BNC2: variants seen among roughly 807,000 people sequenced by gnomAD.
BNC2 encodes basonuclin zinc finger protein 2.
BNC2 carries 20 observed loss-of-function variants against 76.3 expected under a neutral mutation model. The observed-to-expected ratio is 0.26, with a 90% CI of 0.18 to 0.38. BNC2 has a LOEUF of 0.38. BNC2 is among the 10% of genes least tolerant of loss of function. The pLI is 1.00. For synonymous variants in BNC2, 582 were observed against 514.8 expected (o/e 1.13, Z -1.77); for missense variants, 1,382 against 1,399.8 (o/e 0.99, Z 0.20).
In BNC2 at chr9:16,552,632, C is replaced by T. The variant is rs2132538677; in HGVS notation, c.567G>A (p.Leu189=). ...TCAGGACGCTGAAGAGACGGTCCAG[C>T]AGGATCTTTAGCCGCACAGGCACTG... is the stretch of plus-strand genomic sequence containing the variant. The part of the protein sequence containing the change: ...TQAVPVRLKI[L]LDRLFSVLKQ... The change falls in exon 5 of 7, where the codon CTG becomes CTA. Residue 189 remains leucine, a synonymous_variant. Coordinates refer to ENST00000380672, the MANE Select transcript of BNC2 (RefSeq NM_017637.6). 1 of 1,614,234 alleles carries T rather than the reference C, an allele frequency of 6.2e-7. No individual in the cohort carries two copies. The highest frequency in any genetic ancestry group is 8.5e-7 in the Non-Finnish European group (1 of 1,180,044).
At position 16,435,848 on chromosome 9, in the gene BNC2, A is replaced by G; in HGVS notation, c.2346T>C (p.Thr782=). The change falls in exon 6 of 7, where the codon ACT becomes ACC. Residue 782 remains threonine, a synonymous_variant. Coordinates refer to ENST00000380672, the MANE Select transcript of BNC2 (RefSeq NM_017637.6). ...IKVKEEFTDP[T]YDMFYMSQYG... is the part of the protein sequence containing the mutation. ...ACTGGCTCATGTAAAACATGTCGTA[A>G]GTGGGGTCTGTAAATTCTTCCTTCA... 6.2e-7 allele frequency: 1 copy of G among 1,613,848 alleles called. No homozygotes were observed. Among genetic ancestry groups the G allele is most frequent in the South Asian group, 1.1e-5 (1 of 91,072 alleles).
intron 6 of BNC2, among the ~76,000 whole-genome samples, chr9:16,419,890 C>G (rs1023348732): frequency 3.9e-5 from 6 of 152,116 alleles, no homozygotes; most frequent in Admixed American, 1.3e-4. Flanking sequence ...AGAGAGTTGA[C>G]TCTGTCAATG....
At chr9:16,480,904 C>T (rs1001255594) in intron 5 of BNC2, among the ~76,000 whole-genome samples, 1 of 152,214 alleles carries the variant, frequency 6.6e-6, no homozygotes, top group Non-Finnish European at 1.5e-5. Context: ...GCACATGGCA[C>T]GGGACTGGCA....
intron 3 of BNC2, among the ~76,000 whole-genome samples, chr9:16,696,844 G>A (rs1823353730): frequency 1.3e-5 from 2 of 152,134 alleles, no homozygotes; most frequent in South Asian, 4.1e-4. Flanking sequence ...ATGCAAAAAG[G>A]TTATTATTTA....
chr9:16,435,471 G>A, intron 6 of BNC2, 84 bp downstream of exon 6: 1 of 1,498,538 alleles, frequency 6.7e-7, no homozygotes. Flanking sequence ...ATCTAAGTTG[G>A]ATTTCTTTTA....
In BNC2 at chr9:16,762,442, T is replaced by A. The variant is rs7849533; in HGVS notation, c.4-23957A>T. Among the ~76,000 whole-genome samples the A allele has an allele frequency of 4.7e-3, 712 of 152,246 alleles. 3 individuals carry two copies. Among genetic ancestry groups the A allele is most frequent in the African/African-American group, 0.016 (673 of 41,536 alleles). On this transcript the variant is annotated intron_variant, in intron 1 of 6. Coordinates refer to ENST00000380672, the MANE Select transcript of BNC2 (RefSeq NM_017637.6). ...AATGAAAGTTGCAAGTGGGAATGAA[T>A]CAAAGCCCACAATCCACTTCAAAAC...
chr9:16,803,344 A>T (rs1314862842), intron 1 of BNC2, among the ~76,000 whole-genome samples: 1 of 152,198 alleles, frequency 6.6e-6, no homozygotes, highest in Non-Finnish European at 1.5e-5. Flanking sequence ...TTCACCTAAC[A>T]GCTAATTTAT....
chr9:16,432,018 A>G (rs1221488454), intron 6 of BNC2, among the ~76,000 whole-genome samples: 2 of 152,340 alleles, frequency 1.3e-5, no homozygotes, highest in East Asian at 3.9e-4. Flanking sequence ...CCCCTGCTTT[A>G]GAGCATCAGA....
chr9:16,852,480 T>C (rs891413925), intron 1 of BNC2, among the ~76,000 whole-genome samples: 2 of 152,218 alleles, frequency 1.3e-5, no homozygotes, highest in Non-Finnish European at 2.9e-5. Flanking sequence ...GACAATCATA[T>C]GTGAGATATT....
chr9:16,868,015 T>A (rs1489509090), intron 1 of BNC2: 1 of 152,096 alleles, frequency 6.6e-6, no homozygotes, highest in Non-Finnish European at 1.5e-5. Flanking sequence ...CCCAAGTGAA[T>A]CATATCCTGC....
At chr9:16,539,622 GGAGGGAGGGAGC>G (rs1241005617) in intron 5 of BNC2, among the ~76,000 whole-genome samples, 12 of 59,416 alleles carry the variant, frequency 2.0e-4, no homozygotes, top group African/African-American at 7.2e-4. Context: ...GAGAGAGAAG[GGAGGGAGGGAGC>G]GAGGGAGGGA....
At position 16,436,059 on chromosome 9, in the gene BNC2, G is replaced by A. The variant is rs1587022763; in HGVS notation, c.2135C>T (p.Thr712Ile). ...CCGCTCAGGTTCTTGGTCTTCAGAA[G>A]TCATGCTGTCGGCCCTCCTTATTTC... Reference protein sequence around the residue: ...RTEIRRADSMTSEDQEPERDY... With the variant: ...RTEIRRADSMISEDQEPERDY... Residue 712 changes from threonine to isoleucine, a missense_variant, in exon 6 of 7, where the codon ACT becomes ATT. Thr to Ile is a moderately conservative substitution (Grantham distance 89, BLOSUM62 -1). Coordinates refer to ENST00000380672, the MANE Select transcript of BNC2 (RefSeq NM_017637.6). 2.5e-6 allele frequency: 4 copies of A among 1,614,178 alleles called. No homozygotes were observed. The East Asian group carries it at 8.9e-5, about 36-fold the overall frequency.
rs541965382 is a variant in BNC2 at position 16,829,094 on chromosome 9, C to T, written c.3+41552G>A. Among the ~76,000 whole-genome samples, 39 of 152,220 alleles carry T rather than the reference C, an allele frequency of 2.6e-4. No individual in the cohort carries two copies. In the South Asian group the frequency reaches 8.1e-3, roughly 32 times the overall value. On this transcript the variant is annotated intron_variant, in intron 1 of 6. Transcript: ENST00000380672. ...TGGGGCGGCCTGGGAGGACTGAGCG[C>T]GACTGTTCCGCCCGCGTCCCTCCCC...
chr9:16,676,506 C>G (rs1332926677), intron 3 of BNC2, among the ~76,000 whole-genome samples: 4 of 152,170 alleles, frequency 2.6e-5, no homozygotes, highest in Non-Finnish European at 5.9e-5. Context: ...TGGCAGTTGC[C>G]AACATGAACA....
chr9:16,726,109 T>A (rs957215765), intron 3 of BNC2, among the ~76,000 whole-genome samples: 10 of 152,106 alleles, frequency 6.6e-5, no homozygotes, highest in Non-Finnish European at 1.2e-4. Context: ...GCGAAAACAC[T>A]GCATTCCAAC....
chr9:16,435,542 G>C lies in BNC2; in HGVS notation c.2639+13C>G. The C allele has an allele frequency of 1.2e-6, 2 of 1,613,350 alleles. No individual in the cohort carries two copies. Among genetic ancestry groups the C allele is most frequent in the Non-Finnish European group, 1.7e-6 (2 of 1,179,946 alleles). ...CCACCCCCAGCAGGAGCAGCCAATGGAGATTTACTGACCTGTCTCGGCTTC... is the reference window on the plus strand; with the variant it reads ...CCACCCCCAGCAGGAGCAGCCAATGCAGATTTACTGACCTGTCTCGGCTTC... On this transcript the variant is annotated intron_variant, in intron 6 of 6. Coordinates refer to ENST00000380672, the MANE Select transcript of BNC2 (RefSeq NM_017637.6).
chr9:16,662,750 C>G (rs113071482), intron 3 of BNC2, among the ~76,000 whole-genome samples: 5 of 151,690 alleles, frequency 3.3e-5, no homozygotes, highest in African/African-American at 7.3e-5. Flanking sequence ...TAAAATAAAA[C>G]AAGAGAAAAT....
At chr9:16,596,389 T>C (rs376777574) in intron 3 of BNC2, among the ~76,000 whole-genome samples, 6 of 152,096 alleles carry the variant, frequency 3.9e-5, no homozygotes, top group Non-Finnish European at 5.9e-5. Context: ...CATACACATA[T>C]ACATTCATAT....
chr9:16,576,330 C>A (rs1819484340), intron 4 of BNC2, among the ~76,000 whole-genome samples: 1 of 152,158 alleles, frequency 6.6e-6, no homozygotes, highest in Non-Finnish European at 1.5e-5. Context: ...TGGAGTCACT[C>A]AGAATGAGCA....
Sources: allele counts gnomAD v4.1 joint callset (sites outside exome capture counted in the v4.1 genomes callset), GRCh38; gene constraint gnomAD v4.1.1; transcripts MANE v1.5; gene names NCBI Gene and HGNC (gene_info 2026-07-23, HGNC 2026-07-21).